The following SLIT2 variants were observed in gnomAD, a reference collection of about 807,000 sequenced individuals.
SLIT2 encodes the protein slit homolog 2 protein.
In SLIT2, 41 loss-of-function variants were observed where a neutral mutation model predicts 185.7. The observed-to-expected ratio is 0.22, with a 90% confidence interval of 0.17 to 0.29. The LOEUF (loss-of-function observed/expected upper bound fraction) is 0.29, where lower values mean the gene tolerates loss of function less well. Among genes scored for constraint, SLIT2 ranks in the 10% least tolerant of loss-of-function variants. The pLI, the probability that SLIT2 is intolerant of heterozygous loss-of-function variation, is 1.00. For missense variants in SLIT2, 1,571 were observed against 1,909.0 expected (o/e 0.82, Z 3.30); for synonymous variants, 693 against 680.2 (o/e 1.02, Z -0.29).
rs182062391 is a variant in SLIT2, at chr4:20,444,481, T to C, written c.396-23271T>C. Among the ~76,000 whole-genome samples, 153 of 152,254 alleles carry C rather than the reference T, an allele frequency of 1.0e-3. 1 individual carries two copies. The highest frequency in any genetic ancestry group is 1.8e-3 in the Non-Finnish European group (123 of 68,012). On this transcript the variant is annotated intron_variant, in intron 4 of 36. Transcript: ENST00000504154. ...TGGTAGGTTTCCTAATAAGTGAAAT[T>C]CCTTGTCTCCAGGCTTAGGGGTCAC... is the stretch of plus-strand genomic sequence containing the variant.
At chr4:20,359,131 C>T (rs1458393857) in intron 4 of SLIT2, among the ~76,000 whole-genome samples, 2 of 152,046 alleles carry the variant, frequency 1.3e-5, no homozygotes, top group African/African-American at 2.4e-5. Flanking sequence ...AATTATAAAA[C>T]GTCTTTATAG....
chr4:20,609,963 C>G, intron 33 of SLIT2, 50 bp from the exon 34 acceptor site: 1 of 1,538,858 alleles, frequency 6.5e-7, no homozygotes, highest in Non-Finnish European at 8.8e-7. Context: ...AACTACCTTG[C>G]TTTAATGAAA....
intron 4 of SLIT2, among the ~76,000 whole-genome samples, chr4:20,368,219 C>CAAAAAAAAAAAAAAAAGAA (rs71653879): frequency 9.3e-6 from 1 of 107,422 alleles, no homozygotes; most frequent in Non-Finnish European, 1.9e-5. Context: ...CACAAAATAG[C>CAAAAAAAAAAAAAAAAGAA]AAAAAAAAAA....
At chr4:20,462,677 C>T (rs1234657166) in intron 4 of SLIT2, among the ~76,000 whole-genome samples, 4 of 152,138 alleles carry the variant, frequency 2.6e-5, no homozygotes, top group Non-Finnish European at 4.4e-5. Flanking sequence ...ACTCAATTTC[C>T]AGATTAATCT....
At chr4:20,351,602 C>CA (rs1721884374) in intron 4 of SLIT2, among the ~76,000 whole-genome samples, 1 of 152,096 alleles carries the variant, frequency 6.6e-6, no homozygotes, top group South Asian at 2.1e-4. Context: ...CCTCCACTTA[C>CA]AAAGATGAGG....
intron 4 of SLIT2, among the ~76,000 whole-genome samples, chr4:20,418,950 AT>A (rs1394376353): frequency 6.6e-6 from 1 of 152,146 alleles, no homozygotes; most frequent in Non-Finnish European, 1.5e-5. Context: ...AATTATTGGA[AT>A]TTTTTAGTGA....
intron 4 of SLIT2, among the ~76,000 whole-genome samples, chr4:20,316,487 A>C (rs1348427795): frequency 6.6e-6 from 1 of 151,948 alleles, no homozygotes; most frequent in African/African-American, 2.4e-5. Context: ...GTTGGATCCC[A>C]GTATATTTGG....
intron 4 of SLIT2, among the ~76,000 whole-genome samples, chr4:20,391,470 C>T (rs1725406322): frequency 6.6e-6 from 1 of 152,024 alleles, no homozygotes; most frequent in South Asian, 2.1e-4. Flanking sequence ...ACATTCTTTA[C>T]AGAAGCTGAC....
intron 5 of SLIT2, among the ~76,000 whole-genome samples, chr4:20,470,568 G>T (rs1714883078): frequency 6.8e-6 from 1 of 146,426 alleles, no homozygotes; most frequent in Non-Finnish European, 1.5e-5. Flanking sequence ...ACCCCAGTTT[G>T]TTTTTTTTGT....
At chr4:20,330,696 G>T (rs1719989119) in intron 4 of SLIT2, among the ~76,000 whole-genome samples, 1 of 66,282 alleles carries the variant, frequency 1.5e-5, no homozygotes, top group South Asian at 6.2e-4. Context: ...TCTTTGATTT[G>T]GGAATGGTAT....
chr4:20,498,044 G>A (rs1218407320), intron 9 of SLIT2, among the ~76,000 whole-genome samples: 2 of 152,080 alleles, frequency 1.3e-5, no homozygotes, highest in African/African-American at 2.4e-5. Flanking sequence ...GTGGCAGTGC[G>A]TGCCTGTAGT....
chr4:20,505,538 T>A (rs1266949300), intron 9 of SLIT2, among the ~76,000 whole-genome samples: 1 of 152,050 alleles, frequency 6.6e-6, no homozygotes, highest in Non-Finnish European at 1.5e-5. Flanking sequence ...GCTAATACTG[T>A]TTAATATCTT....
chr4:20,619,031 C>T lies in SLIT2; in HGVS notation c.*22C>T. 6.2e-7 allele frequency: 1 copy of T among 1,602,046 alleles called. No homozygotes were observed. The highest frequency in any genetic ancestry group is 2.2e-5 in the East Asian group (1 of 44,518). ...CTAAACACACTCCCGGCAGCTCTGT[C>T]TTTGGAAAAGGTTGTATACTTCTTG... is the stretch of plus-strand genomic sequence containing the variant. On this transcript the variant is annotated 3_prime_UTR_variant, in exon 37 of 37. Transcript: ENST00000504154.
chr4:20,589,615 A>G (rs1008096711), intron 29 of SLIT2, 29 bp from the exon 30 acceptor site: 26 of 1,574,514 alleles, frequency 1.7e-5, no homozygotes, highest in Non-Finnish European at 2.2e-5. Context: ...ACCTTTTTCT[A>G]TGAGCTAACA....
intron 26 of SLIT2, among the ~76,000 whole-genome samples, chr4:20,554,894 C>G (rs139222558): frequency 6.6e-6 from 1 of 151,986 alleles, no homozygotes; most frequent in Non-Finnish European, 1.5e-5. Flanking sequence ...CTCAGCCTCC[C>G]GAGTAGCTGG....
At chr4:20,611,449 A>T (rs1729217302) in intron 34 of SLIT2, among the ~76,000 whole-genome samples, 1 of 152,228 alleles carries the variant, frequency 6.6e-6, no homozygotes, top group African/African-American at 2.4e-5. Flanking sequence ...TGAAGAAGAA[A>T]TGTCCATTCT....
At chr4:20,291,484 ATATATATATTTT>A (rs1715886852) in intron 4 of SLIT2, among the ~76,000 whole-genome samples, 2 of 10,516 alleles carry the variant, frequency 1.9e-4, no homozygotes, top group Admixed American at 1.8e-3. Flanking sequence ...ATATATATAT[ATATATATATTTT>A]TTTTTTTTTT....
intron 4 of SLIT2, among the ~76,000 whole-genome samples, chr4:20,423,203 G>T (rs1410937805): frequency 6.6e-6 from 1 of 152,010 alleles, no homozygotes; most frequent in Non-Finnish European, 1.5e-5. Flanking sequence ...TGAGATTGGG[G>T]ATGATCTTAT....
At chr4:20,312,751 G>A (rs1288959111) in intron 4 of SLIT2, among the ~76,000 whole-genome samples, 2 of 131,814 alleles carry the variant, frequency 1.5e-5, no homozygotes, top group East Asian at 2.1e-4. Flanking sequence ...TCAGCCTGGC[G>A]ATAGAGTGAG....
Sources: allele counts gnomAD v4.1 joint callset (sites outside exome capture counted in the v4.1 genomes callset), GRCh38; gene constraint gnomAD v4.1.1; transcripts MANE v1.5; gene names NCBI Gene and HGNC (gene_info 2026-07-23, HGNC 2026-07-21).